The following NFRKB variants were observed in gnomAD, a reference collection of about 807,000 sequenced individuals.
The protein encoded by NFRKB is nuclear factor related to kappa-B-binding protein.
A neutral mutation model predicts 135.7 loss-of-function variants in NFRKB; 62 were observed. The ratio of observed to expected loss-of-function variants is 0.46; its 90% CI spans 0.37 to 0.56. NFRKB has a LOEUF of 0.56. NFRKB is among the 20% of genes least tolerant of loss of function. The pLI is 0.00. For missense variants in NFRKB, 1,545 were observed against 1,662.0 expected, an observed-to-expected ratio of 0.93 and a Z score of 1.22; for synonymous variants, 678 against 635.6, an observed-to-expected ratio of 1.07 and a Z score of -1.00.
intron 4 of NFRKB, among the ~76,000 whole-genome samples, chr11:129,886,900 G>C (rs767651334): frequency 6.6e-6 from 1 of 152,196 alleles, no homozygotes; most frequent in Non-Finnish European, 1.5e-5. Context: ...TGCACCCTCA[G>C]CTGTAGTGAA....
intron 3 of NFRKB, among the ~76,000 whole-genome samples, chr11:129,889,165 T>C (rs1466701296): frequency 1.3e-5 from 2 of 152,148 alleles, no homozygotes; most frequent in African/African-American, 4.8e-5. Flanking sequence ...TTTCACCATG[T>C]TGACCAGGCT....
At position 129,881,422 on chromosome 11, in the gene NFRKB, T is replaced by C. The variant is rs755875290; in HGVS notation, c.1384+21A>G. On this transcript the variant is annotated intron_variant, in intron 13 of 26. Coordinates refer to ENST00000682444, the MANE Select transcript of NFRKB (RefSeq NM_001143835.2). ...ATGGGAGAACGAAAACCTGTTGGGG[T>C]AGGTAATACGGATCACTTACCAAGC... 7 of 1,611,930 alleles carry C rather than the reference T, an allele frequency of 4.3e-6. No homozygotes were observed. The Admixed American group carries it at 8.4e-5, about 19-fold the overall frequency.
intron 15 of NFRKB, 131 bp downstream of exon 15, chr11:129,878,178 G>A: frequency 1.1e-6 from 1 of 912,928 alleles, no homozygotes; most frequent in Non-Finnish European, 1.7e-6. Context: ...AAGTCAGGAA[G>A]AACCAGGGGA....
At position 129,873,824 on chromosome 11, in the gene NFRKB, G is replaced by A; in HGVS notation, c.2471C>T (p.Ala824Val). The change falls in exon 22 of 27, where the codon GCA becomes GTA. Residue 824 changes from alanine to valine, a missense_variant. By Grantham distance (64) the Ala-to-Val change is moderately conservative. Coordinates refer to ENST00000682444, the MANE Select transcript of NFRKB (RefSeq NM_001143835.2). ...PAVPQQSGGP[A>V]QTLPQMPAGP... ...TGCTGGCATCTGTGGCAATGTCTGT[G>A]CCGGCCCTCCCGACTGCTGGGGAAC... is the stretch of plus-strand genomic sequence containing the variant. 1 of 1,614,212 alleles carries A rather than the reference G, an allele frequency of 6.2e-7. No homozygotes were observed. The highest frequency in any genetic ancestry group is 8.5e-7 in the Non-Finnish European group (1 of 1,180,044).
intron 24 of NFRKB, among the ~76,000 whole-genome samples, chr11:129,868,652 C>G (rs529311755): frequency 6.6e-6 from 1 of 152,204 alleles, no homozygotes; most frequent in Non-Finnish European, 1.5e-5. Context: ...AGCAGAGCCC[C>G]TTCTACCGGT....
At chr11:129,878,275 A>T in intron 15 of NFRKB, 34 bp downstream of exon 15, 1 of 1,608,450 alleles carries the variant, frequency 6.2e-7, no homozygotes, top group South Asian at 1.1e-5. Flanking sequence ...ACAGTTTCCC[A>T]GGACACCACC....
In NFRKB at chr11:129,869,480, C is replaced by G; in HGVS notation, c.3531+14G>C. On this transcript the variant is annotated intron_variant, in intron 24 of 26. Coordinates refer to ENST00000682444, the MANE Select transcript of NFRKB (RefSeq NM_001143835.2). ...CTAAAAAAGAAGGCCTAAGCTTTAC[C>G]ACTAGTTACTCACAGCCTGGGACGT... 1.3e-6 allele frequency: 2 copies of G among 1,592,602 alleles called. No individual in the cohort carries two copies. Among genetic ancestry groups the G allele is most frequent in the Non-Finnish European group, 1.7e-6 (2 of 1,173,772 alleles).
rs1332970357 is a variant in NFRKB at position 129,868,010 on chromosome 11, CT to C, written c.3531+1483del. Reference sequence around the variant, plus strand: ...TATTTCAAATGCATTAACAATTATACTTTTTTTTTTTAAAACTCAAGGTATT... The same window carrying C: ...TATTTCAAATGCATTAACAATTATACTTTTTTTTTTAAAACTCAAGGTATT... On this transcript the variant is annotated intron_variant, in intron 24 of 26. Transcript: ENST00000682444. Among the ~76,000 whole-genome samples, 400 of 148,214 alleles carry C rather than the reference CT, an allele frequency of 2.7e-3. 1 individual carries two copies. Among genetic ancestry groups the C allele is most frequent in the African/African-American group, 8.3e-3 (336 of 40,550 alleles).
intron 24 of NFRKB, 63 bp from the exon 25 acceptor site, chr11:129,866,046 C>T: frequency 2.9e-6 from 4 of 1,375,952 alleles, no homozygotes; most frequent in South Asian, 1.4e-5. Context: ...CAAGTGTCAC[C>T]TCCAGGGCAT....
In NFRKB at chr11:129,881,459, C is replaced by T. The variant is rs1159289173; in HGVS notation, c.1368G>A (p.Gln456=). 1.2e-6 allele frequency: 2 copies of T among 1,614,040 alleles called. No homozygotes were observed. Among genetic ancestry groups the T allele is most frequent in the South Asian group, 2.2e-5 (2 of 91,076 alleles). ...ATCACTTACCAAGCAACTTCCACTG[C>T]TGGGTTTTCTCTTTGAATTCAACAA... ...SPFVEFKEKT[Q]QWKLLGQSQD... The change falls in exon 13 of 27, where the codon CAG becomes CAA. Residue 456 remains glutamine (Q), a synonymous_variant. Transcript: ENST00000682444.
At chr11:129,892,124 T>C (rs1011629822) in intron 3 of NFRKB, among the ~76,000 whole-genome samples, 1 of 152,142 alleles carries the variant, frequency 6.6e-6, no homozygotes, top group Non-Finnish European at 1.5e-5. Context: ...AGTTCTTTAG[T>C]GGTTATTTCT....
At chr11:129,883,943 G>T in intron 8 of NFRKB, 127 bp downstream of exon 8, 2 of 1,000,178 alleles carry the variant, frequency 2.0e-6, no homozygotes, top group Non-Finnish European at 3.2e-6. Context: ...CTCGCCAGCT[G>T]CTCCTGTGCC....
intron 4 of NFRKB, 31 bp downstream of exon 4, chr11:129,888,563 C>A: frequency 1.3e-6 from 2 of 1,597,440 alleles, no homozygotes; most frequent in South Asian, 1.1e-5. Context: ...ATCCACCACC[C>A]CCCTCAAAGA....
chr11:129,876,696 C>G, intron 17 of NFRKB, 25 bp downstream of exon 17: 1 of 1,604,904 alleles, frequency 6.2e-7, no homozygotes, highest in South Asian at 1.1e-5. Context: ...AAAGGGATCT[C>G]TGATAATCGA....
rs1258959123 is a variant in NFRKB, at chr11:129,886,320, C to A, written c.462G>T (p.Arg154=). 5.0e-6 allele frequency: 8 copies of A among 1,614,010 alleles called. No individual in the cohort carries two copies. Among genetic ancestry groups the A allele is most frequent in the Non-Finnish European group, 6.8e-6 (8 of 1,179,962 alleles). Residue 154 remains arginine (R), a synonymous_variant, in exon 5 of 27, where the codon CGG becomes CGT. Coordinates refer to ENST00000682444, the MANE Select transcript of NFRKB (RefSeq NM_001143835.2). ...HRLLKQILAS[R]SDLLEMARRS... ...TCCAGTTCCCAGCACTACTTACACT[C>A]CGGGAAGCAAGAATTTGCTTCAGCA... is the stretch of plus-strand genomic sequence containing the variant.
chr11:129,868,922 G>A (rs55675590), intron 24 of NFRKB, among the ~76,000 whole-genome samples: 28,141 of 151,978 alleles, frequency 0.19, 2,887 homozygotes, highest in South Asian at 0.27. Context: ...CAGGAGGCTG[G>A]GGCAGGAGAA....
At chr11:129,889,083 T>C (rs1949415283) in intron 3 of NFRKB, among the ~76,000 whole-genome samples, 1 of 151,932 alleles carries the variant, frequency 6.6e-6, no homozygotes, top group Non-Finnish European at 1.5e-5. Flanking sequence ...TACCTCAGCC[T>C]CCCGAGTAGC....
At chr11:129,887,760 G>A (rs754696458) in intron 4 of NFRKB, among the ~76,000 whole-genome samples, 8 of 152,346 alleles carry the variant, frequency 5.3e-5, no homozygotes, top group South Asian at 2.1e-4. Flanking sequence ...CATGAAGGCC[G>A]GGTGCGGTGG....
chr11:129,877,110 G>C (rs1446296612), intron 16 of NFRKB, among the ~76,000 whole-genome samples: 1 of 152,062 alleles, frequency 6.6e-6, no homozygotes, highest in South Asian at 2.1e-4. Flanking sequence ...TAATATGAAG[G>C]CACTTTGCTA....
Sources: allele counts gnomAD v4.1 joint callset (sites outside exome capture counted in the v4.1 genomes callset), GRCh38; gene constraint gnomAD v4.1.1; transcripts MANE v1.5; gene names NCBI Gene and HGNC (gene_info 2026-07-23, HGNC 2026-07-21).